The following VAT1L variants were observed in gnomAD, a reference collection of about 807,000 sequenced individuals.
VAT1L encodes putative NADPH-dependent quinone oxidoreductase VAT1L.
In VAT1L, 34 loss-of-function variants were observed where a neutral mutation model predicts 44.1. The observed-to-expected ratio is 0.77, with a 90% CI of 0.59 to 1.03. The LOEUF is 1.03. Among genes scored for constraint, VAT1L ranks in the 50% least tolerant of loss-of-function variants. The probability of loss-of-function intolerance (pLI) is 0.00; values close to 1 mark genes in which losing one functional copy is unlikely to be tolerated. For missense variants in VAT1L, 615 were observed against 538.8 expected, an observed-to-expected ratio of 1.14 and a Z score of -1.40; for synonymous variants, 253 against 202.2, an observed-to-expected ratio of 1.25 and a Z score of -2.13.
intron 7 of VAT1L, among the ~76,000 whole-genome samples, chr16:77,921,357 T>C (rs919258121): frequency 4.6e-5 from 7 of 152,206 alleles, no homozygotes; most frequent in Admixed American, 4.6e-4. Context: ...GCAGCTCTAT[T>C]GTGTATCTCA....
At chr16:77,902,737 G>GGA (rs1162972347) in intron 7 of VAT1L, among the ~76,000 whole-genome samples, 2 of 126,520 alleles carry the variant, frequency 1.6e-5, no homozygotes, top group African/African-American at 6.7e-5. Flanking sequence ...GGGGGTGGGG[G>GGA]GGGTGTGGAT....
intron 1 of VAT1L, among the ~76,000 whole-genome samples, chr16:77,792,614 G>T (rs1453950890): frequency 6.6e-6 from 1 of 152,008 alleles, no homozygotes; most frequent in Non-Finnish European, 1.5e-5. Flanking sequence ...TCAAGCAGAA[G>T]TGGCTTCTAT....
chr16:77,940,116 T>C (rs749245808), intron 7 of VAT1L, among the ~76,000 whole-genome samples: 7 of 152,096 alleles, frequency 4.6e-5, no homozygotes, highest in Non-Finnish European at 7.4e-5. Context: ...GCTCAAAATG[T>C]CAAGAAAGCT....
chr16:77,831,707 T>C (rs1254296835), intron 3 of VAT1L, among the ~76,000 whole-genome samples: 3 of 152,222 alleles, frequency 2.0e-5, no homozygotes, highest in Non-Finnish European at 4.4e-5. Flanking sequence ...TGTGGTTTCC[T>C]GGACTGAAAA....
chr16:77,798,139 G>A (rs1212305426), intron 1 of VAT1L, among the ~76,000 whole-genome samples: 2 of 152,110 alleles, frequency 1.3e-5, no homozygotes, highest in Non-Finnish European at 2.9e-5. Flanking sequence ...AGAACCCAAA[G>A]CCAAAGCATT....
intron 7 of VAT1L, among the ~76,000 whole-genome samples, chr16:77,946,198 T>C (rs974018894): frequency 1.3e-5 from 2 of 151,498 alleles, no homozygotes; most frequent in African/African-American, 4.8e-5. Context: ...TAAACTATAA[T>C]GGCTACATAA....
At chr16:77,789,027 C>A in intron 1 of VAT1L, 112 bp downstream of exon 1, 1 of 1,262,366 alleles carries the variant, frequency 7.9e-7, no homozygotes, top group Non-Finnish European at 1.1e-6. Flanking sequence ...CGCGCGCACC[C>A]CCTCCGCGCC....
At chr16:77,964,323 G>A (rs906359738) in intron 7 of VAT1L, among the ~76,000 whole-genome samples, 1 of 152,116 alleles carries the variant, frequency 6.6e-6, no homozygotes, top group African/African-American at 2.4e-5. Context: ...CAAAAATCAA[G>A]GTGTCAGCAG....
intron 2 of VAT1L, among the ~76,000 whole-genome samples, chr16:77,818,583 G>A (rs2966050): frequency 0.76 from 115,404 of 152,122 alleles, 44,081 homozygotes; most frequent in East Asian, 0.94. Flanking sequence ...TAAATAACCA[G>A]TTATTTTAGA....
Position 77,947,858 on chromosome 16 carries a change from C to G in VAT1L, c.1078-23992C>G, listed in dbSNP as rs565115091. On this transcript the variant is annotated intron_variant, in intron 7 of 8. Transcript: ENST00000302536. ...CACCACAACCTCTGCCTCCCAGATT[C>G]TAGCGATTCTCCTGCCTCAGCCTCC... 2.0e-5 allele frequency among the ~76,000 whole-genome samples: 3 copies of G among 152,292 alleles called. No individual in the cohort carries two copies. In the East Asian group the frequency reaches 5.8e-4, roughly 29 times the overall value.
chr16:77,915,449 G>T (rs900239898), intron 7 of VAT1L, among the ~76,000 whole-genome samples: 1 of 152,144 alleles, frequency 6.6e-6, no homozygotes, highest in African/African-American at 2.4e-5. Flanking sequence ...GGAAACAAAT[G>T]GTATGGATAA....
intron 7 of VAT1L, among the ~76,000 whole-genome samples, chr16:77,970,139 C>A (rs1004626504): frequency 6.6e-6 from 1 of 150,396 alleles, no homozygotes; most frequent in African/African-American, 2.4e-5. Flanking sequence ...GGTAGGCTGA[C>A]GTGGGAGCAT....
At chr16:77,880,591 A>ATTTTTTTTTTTTTTTTTTTTTTT (rs55995217) in intron 6 of VAT1L, among the ~76,000 whole-genome samples, 3 of 54,260 alleles carry the variant, frequency 5.5e-5, no homozygotes, top group East Asian at 6.6e-4. Flanking sequence ...GTTCCAGGGT[A>ATTTTTTTTTTTTTTTTTTTTTTT]TTTTTTTTTT....
chr16:77,907,031 A>G (rs1460162455), intron 7 of VAT1L, among the ~76,000 whole-genome samples: 1 of 152,034 alleles, frequency 6.6e-6, no homozygotes, highest in African/African-American at 2.4e-5. Context: ...AAAACTCCCA[A>G]TTAGAGGTCT....
At chr16:77,935,045 G>A (rs995030399) in intron 7 of VAT1L, among the ~76,000 whole-genome samples, 1 of 152,118 alleles carries the variant, frequency 6.6e-6, no homozygotes, top group African/African-American at 2.4e-5. Context: ...TGGTACCACG[G>A]AATGTTTCTT....
At chr16:77,839,597 C>CAA (rs200310417) in intron 3 of VAT1L, among the ~76,000 whole-genome samples, 10,000 of 131,152 alleles carry the variant, frequency 0.076, 465 homozygotes, top group Non-Finnish European at 0.11. Flanking sequence ...GAGACCTGGG[C>CAA]ATTTGACAAA....
chr16:77,888,127 G>A (rs1224033622), intron 7 of VAT1L, among the ~76,000 whole-genome samples: 1 of 152,174 alleles, frequency 6.6e-6, no homozygotes, highest in Non-Finnish European at 1.5e-5. Context: ...CCTGTACAGA[G>A]AAGCCTTCCC....
chr16:77,870,657 T>A (rs535969632), intron 4 of VAT1L, among the ~76,000 whole-genome samples: 1 of 152,352 alleles, frequency 6.6e-6, no homozygotes, highest in South Asian at 2.1e-4. Context: ...GAGCTGGGGC[T>A]ATTTGTGTTT....
At chr16:77,854,811 A>G (rs1223113881) in intron 3 of VAT1L, among the ~76,000 whole-genome samples, 2 of 152,194 alleles carry the variant, frequency 1.3e-5, no homozygotes, top group African/African-American at 4.8e-5. Flanking sequence ...AACAGTGAAA[A>G]CAACTTTTAG....
Sources: allele counts gnomAD v4.1 joint callset (sites outside exome capture counted in the v4.1 genomes callset), GRCh38; gene constraint gnomAD v4.1.1; transcripts MANE v1.5; gene names NCBI Gene and HGNC (gene_info 2026-07-23, HGNC 2026-07-21).